DGKH: variants seen among roughly 807,000 people sequenced by gnomAD.
DGKH encodes the protein diacylglycerol kinase eta, also known as DAG kinase eta.
A neutral mutation model predicts 159.3 loss-of-function variants in DGKH; 90 were observed. That is an observed-to-expected ratio of 0.57 (90% CI 0.48 to 0.67). The LOEUF is 0.67. Among genes scored for constraint, DGKH ranks in the 30% least tolerant of loss-of-function variants. The pLI, the probability that DGKH is intolerant of heterozygous loss-of-function variation, is 0.00. For synonymous variants in DGKH, 536 were observed against 553.8 expected (o/e 0.97, Z 0.45); for missense variants, 1,181 against 1,506.1 (o/e 0.78, Z 3.57).
At chr13:42,118,687 G>A (rs1177637) in intron 1 of DGKH, among the ~76,000 whole-genome samples, 122,934 of 152,184 alleles carry the variant, frequency 0.81, 50,180 homozygotes, top group African/African-American at 0.89. Flanking sequence ...AGACAGACAA[G>A]TGGAGCAGAG....
upstream of DGKH, among the ~76,000 whole-genome samples, chr13:42,047,889 T>A (rs1384440740): frequency 6.6e-6 from 1 of 152,144 alleles, no homozygotes; most frequent in East Asian, 1.9e-4. Context: ...GTGTAGTCTC[T>A]TGTTTCTGCG....
chr13:42,124,222 A>G (rs1345967226), intron 1 of DGKH, among the ~76,000 whole-genome samples: 5 of 152,198 alleles, frequency 3.3e-5, no homozygotes, highest in Non-Finnish European at 5.9e-5. Context: ...TAAATGTCAC[A>G]TAATAAATCT....
At position 42,189,238 on chromosome 13, in the gene DGKH, C is replaced by T; in HGVS notation, c.1841C>T (p.Pro614Leu). Reference sequence around the variant, plus strand: ...CCTTCCTCCCAGAAAGCCGTCAAACCAAGGGAAATCATGTTGCGGGCAAAT... The same window carrying T: ...CCTTCCTCCCAGAAAGCCGTCAAACTAAGGGAAATCATGTTGCGGGCAAAT... Reference protein sequence around the residue: ...TKPSSQKAVKPREIMLRANSL... With the variant: ...TKPSSQKAVKLREIMLRANSL... The change falls in exon 15 of 30, where the codon CCA (proline) becomes CTA (leucine). Residue 614 changes from proline (P) to leucine (L), a missense_variant. Around this residue, in one of 5 missense-constraint regions of DGKH, gnomAD observed 257 missense variants for 281.5 expected, o/e 0.91. Coordinates refer to ENST00000337343, the MANE Select transcript of DGKH (RefSeq NM_178009.5). The T allele has an allele frequency of 6.2e-7, 1 of 1,614,134 alleles. No individual in the cohort carries two copies. The highest frequency in any genetic ancestry group is 8.5e-7 in the Non-Finnish European group (1 of 1,180,038).
At chr13:42,147,730 T>TAA (rs1955774830) in intron 3 of DGKH, among the ~76,000 whole-genome samples, 2 of 152,222 alleles carry the variant, frequency 1.3e-5, no homozygotes, top group South Asian at 2.1e-4. Context: ...CTGAAGTCAC[T>TAA]GTGATCCCTG....
At chr13:42,211,111 A>G (rs534571721) in intron 24 of DGKH, among the ~76,000 whole-genome samples, 8 of 152,340 alleles carry the variant, frequency 5.3e-5, no homozygotes, top group Admixed American at 4.6e-4. Flanking sequence ...GAGACCACAC[A>G]TAACATTAAT....
chr13:42,233,092 C>T lies in DGKH; in HGVS notation c.*3904C>T. 1 of 152,404 alleles carries T rather than the reference C, an allele frequency of 6.6e-6. No homozygotes were observed. 9.4% of individuals were successfully genotyped at this position (152,404 alleles called of 1,614,324 possible). A position where few individuals can be genotyped will look rare whatever the true frequency, so the allele number is the denominator to read the frequency against. ...GCTGCAGTGAGCCATGATCATGCTACTGCCCTCCAGCCTGGGCAGCAGAGC... is the reference window on the plus strand; with the variant it reads ...GCTGCAGTGAGCCATGATCATGCTATTGCCCTCCAGCCTGGGCAGCAGAGC... On this transcript the variant is annotated 3_prime_UTR_variant, in exon 30 of 30. Coordinates refer to ENST00000337343, the MANE Select transcript of DGKH (RefSeq NM_178009.5).
intron 29 of DGKH, among the ~76,000 whole-genome samples, chr13:42,251,916 A>T (rs772698655): frequency 6.6e-6 from 1 of 152,188 alleles, no homozygotes; most frequent in Non-Finnish European, 1.5e-5. Flanking sequence ...GAGAACAGAG[A>T]GCATGTATTA....
intron 1 of DGKH, among the ~76,000 whole-genome samples, chr13:42,079,233 A>G (rs1047891149): frequency 1.3e-5 from 2 of 152,202 alleles, no homozygotes; most frequent in African/African-American, 4.8e-5. Flanking sequence ...CATATTCTTT[A>G]AAAATATATG....
chr13:42,082,793 CCTTTA>C (rs1384539524), intron 1 of DGKH, among the ~76,000 whole-genome samples: 2 of 152,156 alleles, frequency 1.3e-5, no homozygotes, highest in Non-Finnish European at 2.9e-5. Context: ...ATTTCCCTTT[CCTTTA>C]CATGTACAAA....
intron 1 of DGKH, among the ~76,000 whole-genome samples, chr13:42,063,298 A>T (rs976081120): frequency 1.3e-5 from 2 of 152,150 alleles, no homozygotes; most frequent in South Asian, 4.1e-4. Flanking sequence ...AGGGATGAGC[A>T]TTCCCGAACA....
chr13:42,088,422 A>C (rs1954350583), intron 1 of DGKH, among the ~76,000 whole-genome samples: 1 of 152,210 alleles, frequency 6.6e-6, no homozygotes, highest in Non-Finnish European at 1.5e-5. Flanking sequence ...TTTTTAAAGT[A>C]AAACTAATAA....
chr13:42,141,265 G>A (rs1012624241), intron 3 of DGKH, among the ~76,000 whole-genome samples: 1 of 151,746 alleles, frequency 6.6e-6, no homozygotes. Flanking sequence ...GTATTCCATG[G>A]TGTATATGTG....
At chr13:42,158,921 A>G (rs1956106930) in intron 5 of DGKH, among the ~76,000 whole-genome samples, 1 of 152,164 alleles carries the variant, frequency 6.6e-6, no homozygotes, top group Non-Finnish European at 1.5e-5. Flanking sequence ...GGATGTCACC[A>G]GCAGACCTGC....
intron 1 of DGKH, among the ~76,000 whole-genome samples, chr13:42,096,360 G>A (rs1443969220): frequency 2.0e-5 from 3 of 152,056 alleles, no homozygotes; most frequent in Admixed American, 6.6e-5. Flanking sequence ...CTGTTCCTGC[G>A]TTAATTTGCT....
intron 30 of DGKH, chr13:42,255,850 A>G: frequency 1.2e-6 from 1 of 812,606 alleles, no homozygotes; most frequent in East Asian, 2.7e-5. Flanking sequence ...GCCCATTTTT[A>G]TCTTCAAAAA....
chr13:42,068,917 T>A (rs1284316584), intron 1 of DGKH: 8 of 1,251,238 alleles, frequency 6.4e-6, no homozygotes, highest in African/African-American at 6.1e-5. Flanking sequence ...CAAAGATAAA[T>A]GTCTGCTGAG....
chr13:42,046,380 T>C (rs1880793791), upstream of DGKH, among the ~76,000 whole-genome samples: 1 of 152,206 alleles, frequency 6.6e-6, no homozygotes, highest in South Asian at 2.1e-4. Flanking sequence ...TAGATATTCA[T>C]TCTAAAAACT....
At chr13:42,254,224 G>A (rs1187732130) in intron 30 of DGKH, among the ~76,000 whole-genome samples, 1 of 152,204 alleles carries the variant, frequency 6.6e-6, no homozygotes, top group Non-Finnish European at 1.5e-5. Context: ...GTTAATCACA[G>A]TGTGGCATGA....
At chr13:42,096,951 C>T (rs547550184) in intron 1 of DGKH, among the ~76,000 whole-genome samples, 2 of 152,324 alleles carry the variant, frequency 1.3e-5, no homozygotes, top group Admixed American at 1.3e-4. Context: ...GTTTAGAATT[C>T]TAGGTGAGAA....
Sources: gnomAD v4.1 joint callset for allele counts (sites outside exome capture counted in the v4.1 genomes callset) on GRCh38, gnomAD v4.1.1 for gene constraint, gnomAD v4.1.1 regional missense constraint, MANE v1.5 for transcripts, NCBI Gene and HGNC (gene_info 2026-07-23, HGNC 2026-07-21) for gene names.